RBM47: variants seen among roughly 807,000 people sequenced by gnomAD.
RBM47 encodes RNA binding motif protein 47, also known as RNA-binding protein 47.
In RBM47, 21 loss-of-function variants were observed where a neutral mutation model predicts 47.1. The ratio of observed to expected loss-of-function variants is 0.45; its 90% CI spans 0.32 to 0.64. The LOEUF (loss-of-function observed/expected upper bound fraction) is 0.64. Among genes scored for constraint, RBM47 ranks in the 30% least tolerant of loss-of-function variants. RBM47 has a pLI of 0.05. For synonymous variants in RBM47, 375 were observed against 361.7 expected (o/e 1.04, Z -0.42); for missense variants, 708 against 870.9 (o/e 0.81, Z 2.35).
At chr4:40,567,051 G>A (rs1364047520) in intron 1 of RBM47, among the ~76,000 whole-genome samples, 1 of 151,938 alleles carries the variant, frequency 6.6e-6, no homozygotes, top group Non-Finnish European at 1.5e-5. Context: ...GGGACTTAGG[G>A]AGACTAGCAT....
In RBM47 at chr4:40,432,199, TC is replaced by T. The variant is rs1255901878; in HGVS notation, c.1542+451del. Among the ~76,000 whole-genome samples, 815 of 138,760 alleles carry T rather than the reference TC, an allele frequency of 5.9e-3. 3 individuals are homozygous for T. The highest frequency in any genetic ancestry group is 9.1e-3 in the Non-Finnish European group (613 of 67,084). 91.0% of individuals were successfully genotyped at this position (138,760 alleles called of 152,430 possible). Reference sequence around the variant, plus strand: ...CAGATGTTCTTTCTCTCTCTCTCTCTCTTTACACACACACACACACACACAC... The same window carrying T: ...CAGATGTTCTTTCTCTCTCTCTCTCTTTTACACACACACACACACACACAC... On this transcript the variant is annotated intron_variant, in intron 6 of 6. Coordinates refer to ENST00000295971, the MANE Select transcript of RBM47 (RefSeq NM_001098634.2).
rs1211164721 is a variant in RBM47 at position 40,425,627 on chromosome 4, T to C, written c.*277A>G. The C allele has an allele frequency of 6.3e-6, 2 of 317,006 alleles. No homozygotes were observed. The highest frequency in any genetic ancestry group is 1.2e-5 in the Non-Finnish European group (2 of 170,828). The allele number at this position is 317,006 out of a possible 1,614,324, so 19.6% of individuals were successfully genotyped here. A position where few individuals can be genotyped will look rare whatever the true frequency, so the allele number is the denominator to read the frequency against. On this transcript the variant is annotated 3_prime_UTR_variant, in exon 7 of 7. Transcript: ENST00000295971. ...AAAAAAACAACAACAAAAACCTCTA[T>C]ACAAATGTAGTACAGCATACAAATT... is the stretch of plus-strand genomic sequence containing the variant.
chr4:40,490,142 T>A (rs1721661385), intron 2 of RBM47, among the ~76,000 whole-genome samples: 1 of 152,072 alleles, frequency 6.6e-6, no homozygotes, highest in South Asian at 2.1e-4. Context: ...ATCTGATAAA[T>A]AACATCTACA....
chr4:40,578,000 T>C (rs1732502018), intron 1 of RBM47, among the ~76,000 whole-genome samples: 1 of 151,992 alleles, frequency 6.6e-6, no homozygotes, highest in East Asian at 1.9e-4. Context: ...AAAAAAAGAA[T>C]TATAGGAGGT....
At chr4:40,470,013 A>T (rs996522132) in intron 2 of RBM47, among the ~76,000 whole-genome samples, 9 of 152,204 alleles carry the variant, frequency 5.9e-5, no homozygotes, top group African/African-American at 2.2e-4. Flanking sequence ...GTGGCTTCAC[A>T]TTCCTCCTGA....
chr4:40,539,053 G>T (rs966721424), intron 2 of RBM47, among the ~76,000 whole-genome samples: 1 of 151,892 alleles, frequency 6.6e-6, no homozygotes, highest in African/African-American at 2.4e-5. Context: ...TTATATGATG[G>T]TCCTATGTAG....
chr4:40,488,049 C>T (rs532551813), intron 2 of RBM47, among the ~76,000 whole-genome samples: 3 of 151,856 alleles, frequency 2.0e-5, no homozygotes, highest in African/African-American at 4.8e-5. Flanking sequence ...AGGCTGGGCA[C>T]GGTGGCTCAC....
intron 1 of RBM47, among the ~76,000 whole-genome samples, chr4:40,575,782 G>A (rs576885923): frequency 4.3e-4 from 66 of 152,338 alleles, no homozygotes; most frequent in Non-Finnish European, 7.1e-4. Flanking sequence ...CAAGAGTACA[G>A]TGATATTTGG....
At chr4:40,499,496 G>A (rs542520632) in intron 2 of RBM47, among the ~76,000 whole-genome samples, 40 of 152,142 alleles carry the variant, frequency 2.6e-4, no homozygotes, top group Non-Finnish European at 4.3e-4. Flanking sequence ...TGCAACCTCC[G>A]CCTTCCGGGT....
chr4:40,446,606 C>T (rs1466495564), intron 3 of RBM47, among the ~76,000 whole-genome samples: 4 of 151,588 alleles, frequency 2.6e-5, no homozygotes, highest in African/African-American at 7.3e-5. Context: ...GGTGTTGTGG[C>T]GTAACACCTG....
chr4:40,457,422 C>CAAAAA (rs35497838), intron 3 of RBM47, among the ~76,000 whole-genome samples: 2 of 111,610 alleles, frequency 1.8e-5, no homozygotes, highest in Admixed American at 1.9e-4. Context: ...GACTCCATCT[C>CAAAAA]AAAAAAAAAA....
At chr4:40,618,321 G>A (rs1020002134) in intron 1 of RBM47, among the ~76,000 whole-genome samples, 2 of 152,158 alleles carry the variant, frequency 1.3e-5, no homozygotes, top group African/African-American at 4.8e-5. Flanking sequence ...AGTTACCCAG[G>A]AGGCTGAGGC....
At chr4:40,512,953 G>C (rs1393218255) in intron 2 of RBM47, among the ~76,000 whole-genome samples, 1 of 152,126 alleles carries the variant, frequency 6.6e-6, no homozygotes, top group East Asian at 1.9e-4. Flanking sequence ...TAATCCACTT[G>C]TCAAAAGTTA....
chr4:40,626,912 C>T (rs1333787436), intron 1 of RBM47, among the ~76,000 whole-genome samples: 1 of 152,204 alleles, frequency 6.6e-6, no homozygotes, highest in African/African-American at 2.4e-5. Flanking sequence ...CAATTAGTTA[C>T]TGATCATTTC....
intron 2 of RBM47, among the ~76,000 whole-genome samples, chr4:40,467,351 G>A (rs532977535): frequency 2.7e-5 from 4 of 150,548 alleles, no homozygotes; most frequent in African/African-American, 1.0e-4. Context: ...GTGCAGTTGC[G>A]TAGTCTCGGC....
At chr4:40,532,636 TC>T (rs1341353995) in intron 2 of RBM47, among the ~76,000 whole-genome samples, 1 of 148,082 alleles carries the variant, frequency 6.8e-6, no homozygotes, top group Non-Finnish European at 1.5e-5. Context: ...TTATTCTTTT[TC>T]CTTTTTTTTT....
chr4:40,517,940 C>CA (rs1281416318), intron 2 of RBM47, among the ~76,000 whole-genome samples: 6 of 152,004 alleles, frequency 3.9e-5, no homozygotes, highest in Non-Finnish European at 7.4e-5. Flanking sequence ...CTCGAGCATC[C>CA]AAAATCTGGG....
chr4:40,465,453 G>A (rs1171434026), intron 3 of RBM47, among the ~76,000 whole-genome samples: 1 of 152,036 alleles, frequency 6.6e-6, no homozygotes, highest in Non-Finnish European at 1.5e-5. Context: ...TGAGCTCAGA[G>A]GTTCAAGACC....
rs11403447 is a variant in RBM47 at position 40,472,562 on chromosome 4, CA to C, written c.-154-5864del. On this transcript the variant is annotated intron_variant, in intron 2 of 6. Transcript: ENST00000295971. ...GGGCAACAAGAGTGATGCTCTGTCTCAAAAAAAAAAAAAAAAAATCATGTTT... is the reference window on the plus strand; with the variant it reads ...GGGCAACAAGAGTGATGCTCTGTCTCAAAAAAAAAAAAAAAAATCATGTTT... 9.9e-3 allele frequency among the ~76,000 whole-genome samples: 1,257 copies of C among 126,458 alleles called. 25 individuals are homozygous for C. Among genetic ancestry groups the C allele is most frequent in the African/African-American group, 0.028 (1,033 of 36,628 alleles). 83.0% of individuals were successfully genotyped at this position (126,458 alleles called of 152,430 possible).
Sources: gnomAD v4.1 joint callset for allele counts (sites outside exome capture counted in the v4.1 genomes callset) on GRCh38, gnomAD v4.1.1 for gene constraint, MANE v1.5 for transcripts, NCBI Gene and HGNC (gene_info 2026-07-23, HGNC 2026-07-21) for gene names.